The following ENPP2 variants were observed in gnomAD, a reference collection of about 807,000 sequenced individuals.
ENPP2 encodes the protein autotaxin.
In ENPP2, 51 loss-of-function variants were observed where a neutral mutation model predicts 120.2. The ratio of observed to expected loss-of-function variants is 0.42; its 90% confidence interval spans 0.34 to 0.54. ENPP2 has a LOEUF of 0.54. Among genes scored for constraint, ENPP2 ranks in the 20% least tolerant of loss-of-function variants. ENPP2 has a pLI of 0.04. For missense variants in ENPP2, 920 were observed against 1,066.5 expected (o/e 0.86, Z 1.91); for synonymous variants, 365 against 366.4 (o/e 1.00, Z 0.04).
At chr8:119,646,603 A>G (rs1817475749) in intron 1 of ENPP2, among the ~76,000 whole-genome samples, 1 of 152,162 alleles carries the variant, frequency 6.6e-6, no homozygotes, top group African/African-American at 2.4e-5. Flanking sequence ...GAGACCTTAT[A>G]TGACCCTTAG....
intron 1 of ENPP2, among the ~76,000 whole-genome samples, chr8:119,644,613 TATATATATATATACAC>T (rs1243522207): frequency 5.8e-5 from 6 of 102,604 alleles, no homozygotes; most frequent in African/African-American, 2.0e-4. Context: ...TATATATATA[TATATATATATATACAC>T]ACACACACAC....
intron 9 of ENPP2, among the ~76,000 whole-genome samples, chr8:119,605,647 T>TTC (rs1814669969): frequency 6.6e-6 from 1 of 150,718 alleles, no homozygotes; most frequent in Non-Finnish European, 1.5e-5. Context: ...TTTTTTTTTT[T>TTC]AGGAGAGACG....
intron 24 of ENPP2, among the ~76,000 whole-genome samples, chr8:119,560,906 G>T (rs1284784463): frequency 2.0e-5 from 3 of 151,598 alleles, no homozygotes; most frequent in African/African-American, 7.3e-5. Flanking sequence ...ATATATATTT[G>T]CCTCATACTG....
chr8:119,595,887 T>C (rs1224151293), intron 11 of ENPP2: 8 of 1,614,070 alleles, frequency 5.0e-6, no homozygotes, highest in South Asian at 3.3e-5. Context: ...ATCCATCCTA[T>C]GTATTTTTCT....
chr8:119,600,533 T>A, intron 11 of ENPP2, 145 bp downstream of exon 11: 1 of 529,870 alleles, frequency 1.9e-6, no homozygotes, highest in Admixed American at 3.6e-5. Context: ...TTTTAAAAAA[T>A]TTTTAGTCTT....
chr8:119,567,072 C>T (rs16892771), intron 22 of ENPP2, among the ~76,000 whole-genome samples: 5,018 of 152,258 alleles, frequency 0.033, 283 homozygotes, highest in African/African-American at 0.11. Flanking sequence ...TTTGAGACTC[C>T]CTTTCAGCCC....
rs370346727 is a variant in ENPP2, at chr8:119,566,599, C to A, written c.2131+1576G>T. Reference sequence around the variant, plus strand: ...AGAAACAATGAGAACAGTCAAAAGGCCAGGCCTGCAGAAATGTGGCATGTG... The same window carrying A: ...AGAAACAATGAGAACAGTCAAAAGGACAGGCCTGCAGAAATGTGGCATGTG... On this transcript the variant is annotated intron_variant, in intron 22 of 24. Coordinates refer to ENST00000075322, the MANE Select transcript of ENPP2 (RefSeq NM_001040092.3). Among the ~76,000 whole-genome samples the A allele has an allele frequency of 2.0e-5, 3 of 152,198 alleles. No homozygotes were observed. The South Asian group carries it at 6.2e-4, about 32-fold the overall frequency.
At chr8:119,601,372 A>C (rs776854496) in intron 10 of ENPP2, 25 bp downstream of exon 10, 1 of 1,478,756 alleles carries the variant, frequency 6.8e-7, no homozygotes, top group Admixed American at 1.7e-5. Context: ...TGTACTGAAG[A>C]AAGAAGAAAG....
chr8:119,571,679 G>A (rs977291244), intron 19 of ENPP2: 4 of 152,476 alleles, frequency 2.6e-5, no homozygotes, highest in African/African-American at 2.4e-5. Context: ...TCTTGGAAAT[G>A]TGGGGCCCTA....
intron 1 of ENPP2, among the ~76,000 whole-genome samples, chr8:119,650,026 G>T (rs1019400393): frequency 6.6e-6 from 1 of 152,154 alleles, no homozygotes; most frequent in South Asian, 2.1e-4. Flanking sequence ...CCACTCTTAT[G>T]TATATACCCA....
chr8:119,629,381 C>A (rs2130792173), intron 2 of ENPP2, among the ~76,000 whole-genome samples: 1 of 151,938 alleles, frequency 6.6e-6, no homozygotes, highest in East Asian at 1.9e-4. Flanking sequence ...TTTTATAATT[C>A]ATGTTTTACT....
At chr8:119,606,888 G>A (rs1271474631) in intron 9 of ENPP2, among the ~76,000 whole-genome samples, 4 of 151,560 alleles carry the variant, frequency 2.6e-5, no homozygotes, top group Non-Finnish European at 4.4e-5. Context: ...GAACATCTCA[G>A]TGGGAACAAA....
At chr8:119,673,227 G>C in intron 1 of ENPP2, 1 of 1,527,910 alleles carries the variant, frequency 6.5e-7, no homozygotes. Flanking sequence ...AATGGAGGAC[G>C]GGTAGAGAGA....
intron 6 of ENPP2, 86 bp downstream of exon 6, chr8:119,617,380 C>A: frequency 8.9e-7 from 1 of 1,128,490 alleles, no homozygotes; most frequent in Non-Finnish European, 1.3e-6. Flanking sequence ...AAACTACGTG[C>A]CCATAGATCT....
At chr8:119,586,056 A>T in intron 15 of ENPP2, 130 bp downstream of exon 15, 2 of 1,032,796 alleles carry the variant, frequency 1.9e-6, no homozygotes, top group Non-Finnish European at 2.9e-6. Flanking sequence ...GTAGCCCACA[A>T]AATCTTTGGA....
chr8:119,670,721 C>T (rs925472005), intron 1 of ENPP2, among the ~76,000 whole-genome samples: 4 of 152,232 alleles, frequency 2.6e-5, no homozygotes, highest in Middle Eastern at 3.4e-3. Flanking sequence ...ACAGACCTCA[C>T]AGATGTACAG....
intron 4 of ENPP2, 60 bp downstream of exon 4, chr8:119,621,334 C>T: frequency 6.5e-7 from 1 of 1,550,168 alleles, no homozygotes. Context: ...TCCAGGATCT[C>T]CTGGAGCACC....
intron 1 of ENPP2, among the ~76,000 whole-genome samples, chr8:119,647,326 C>G (rs1817500243): frequency 6.6e-6 from 1 of 152,086 alleles, no homozygotes; most frequent in South Asian, 2.1e-4. Context: ...CAGCTCCATC[C>G]CTTTTGATCT....
chr8:119,630,073 G>A (rs762669557), intron 2 of ENPP2, among the ~76,000 whole-genome samples: 1 of 151,944 alleles, frequency 6.6e-6, no homozygotes, highest in African/African-American at 2.4e-5. Context: ...GCAACCACGC[G>A]CCTTGCTTTC....
Sources: allele counts gnomAD v4.1 joint callset (sites outside exome capture counted in the v4.1 genomes callset), GRCh38; gene constraint gnomAD v4.1.1; transcripts MANE v1.5; gene names NCBI Gene and HGNC (gene_info 2026-07-23, HGNC 2026-07-21).